The following PDGFRL variants were observed in gnomAD, a reference collection of about 807,000 sequenced individuals.
The protein encoded by PDGFRL is platelet derived growth factor receptor like.
In PDGFRL, 46 loss-of-function variants were observed where a neutral mutation model predicts 37.2. The ratio of observed to expected loss-of-function variants is 1.24; its 90% CI spans 0.98 to 1.58. PDGFRL has a LOEUF of 1.58. Among genes scored for constraint, PDGFRL ranks in the 40% most tolerant of loss-of-function variants. PDGFRL has a pLI of 0.00. For synonymous variants in PDGFRL, 251 were observed against 184.3 expected, an observed-to-expected ratio of 1.36 and a Z score of -2.93; for missense variants, 692 against 467.6, an observed-to-expected ratio of 1.48 and a Z score of -4.43.
At position 17,642,668 on chromosome 8, in the gene PDGFRL, G is replaced by A. The variant is rs570888012; in HGVS notation, c.995G>A (p.Gly332Glu). ...TGGAGGTTGATCCACAGAGGACTGGGACACACCACGAGAATCTCCCAGAGT... is the reference window on the plus strand; with the variant it reads ...TGGAGGTTGATCCACAGAGGACTGGAACACACCACGAGAATCTCCCAGAGT... ...DTWRLIHRGL[G>E]HTTRISQSVI... The change falls in exon 6 of 6, where the codon GGA becomes GAA. Residue 332 changes from glycine to glutamate, a missense_variant. By Grantham distance (98) the Gly-to-Glu change is moderately conservative. Coordinates refer to ENST00000251630, the MANE Select transcript of PDGFRL (RefSeq NM_001372073.1). 3 of 1,607,726 alleles carry A rather than the reference G, an allele frequency of 1.9e-6. No homozygotes were observed. The highest frequency in any genetic ancestry group is 3.3e-5 in the Admixed American group (2 of 60,018).
chr8:17,618,629 G>C (rs1233943194), intron 2 of PDGFRL, among the ~76,000 whole-genome samples: 1 of 152,204 alleles, frequency 6.6e-6, no homozygotes, highest in African/African-American at 2.4e-5. Context: ...TCTGCTGTCT[G>C]AGACTCAGTT....
At chr8:17,592,578 C>T (rs1803962417) in intron 2 of PDGFRL, among the ~76,000 whole-genome samples, 1 of 152,190 alleles carries the variant, frequency 6.6e-6, no homozygotes, top group African/African-American at 2.4e-5. Flanking sequence ...GCTTTCGCTG[C>T]CCTGGGCTCC....
chr8:17,576,578 C>A, upstream of PDGFRL: 1 of 234,884 alleles, frequency 4.3e-6, no homozygotes. Flanking sequence ...CGTGCTTACC[C>A]TAATTCCCTG....
chr8:17,608,102 C>T (rs373781192), intron 2 of PDGFRL, among the ~76,000 whole-genome samples: 44 of 152,320 alleles, frequency 2.9e-4, no homozygotes, highest in African/African-American at 1.0e-3. Context: ...CCTCAGGGGC[C>T]TGTCTCCTGC....
intron 2 of PDGFRL, 86 bp from the exon 3 acceptor site, chr8:17,620,965 C>T: frequency 1.1e-6 from 1 of 939,574 alleles, no homozygotes; most frequent in South Asian, 2.2e-5. Flanking sequence ...GCAAGTCTGC[C>T]CAGAGAACAG....
intron 1 of PDGFRL, among the ~76,000 whole-genome samples, chr8:17,584,531 G>A (rs1585297484): frequency 6.6e-6 from 1 of 152,016 alleles, no homozygotes; most frequent in East Asian, 1.9e-4. Flanking sequence ...ATGAGGAAGA[G>A]CTGCCACAGA....
At chr8:17,633,957 G>T in intron 4 of PDGFRL, 117 bp from the exon 5 acceptor site, 1 of 1,012,782 alleles carries the variant, frequency 9.9e-7, no homozygotes, top group Non-Finnish European at 1.6e-6. Context: ...CACTGGTCAG[G>T]GAGCTGTGAG....
intron 4 of PDGFRL, among the ~76,000 whole-genome samples, chr8:17,630,767 G>A (rs976746493): frequency 3.3e-5 from 5 of 152,142 alleles, no homozygotes; most frequent in African/African-American, 1.2e-4. Flanking sequence ...TAGCCTGATG[G>A]GAACAGATAG....
chr8:17,595,005 AT>A (rs34890258), intron 2 of PDGFRL, among the ~76,000 whole-genome samples: 133,119 of 150,882 alleles, frequency 0.88, 59,854 homozygotes, highest in East Asian at 1. Context: ...TACCACGTAC[AT>A]TTTTTTTTTT....
intron 2 of PDGFRL, among the ~76,000 whole-genome samples, chr8:17,614,346 C>T (rs1274082496): frequency 6.6e-6 from 1 of 152,148 alleles, no homozygotes; most frequent in African/African-American, 2.4e-5. Context: ...TTCCCAGGAT[C>T]TGTACTCTGT....
intron 4 of PDGFRL, among the ~76,000 whole-genome samples, chr8:17,630,696 G>C (rs1442314034): frequency 6.6e-6 from 1 of 152,206 alleles, no homozygotes; most frequent in East Asian, 1.9e-4. Context: ...AGAGAGGTCA[G>C]AGGAAGTAAG....
At chr8:17,638,787 A>ATATATATATAAATATATATAT (rs58571745) in intron 5 of PDGFRL, among the ~76,000 whole-genome samples, 1 of 91,816 alleles carries the variant, frequency 1.1e-5, no homozygotes, top group Non-Finnish European at 2.2e-5. Context: ...ATATATATAT[A>ATATATATATAAATATATATAT]ATTGTGATAT....
chr8:17,628,447 C>T (rs1288365703), intron 3 of PDGFRL, 40 bp from the exon 4 acceptor site: 30 of 1,557,662 alleles, frequency 1.9e-5, no homozygotes, highest in Non-Finnish European at 2.6e-5. Flanking sequence ...TACTTTGCGT[C>T]TCCGGAGTGA....
intron 2 of PDGFRL, among the ~76,000 whole-genome samples, chr8:17,609,634 TAAAA>T (rs3040922): frequency 0.036 from 1,554 of 43,354 alleles, 35 homozygotes; most frequent in African/African-American, 0.13. Context: ...TGAGACTCTG[TAAAA>T]AAAAAAAAAA....
chr8:17,586,248 C>T (rs1481911963), intron 1 of PDGFRL, among the ~76,000 whole-genome samples: 1 of 152,158 alleles, frequency 6.6e-6, no homozygotes, highest in African/African-American at 2.4e-5. Context: ...GCCGCTGCAC[C>T]CAGCTGGAGA....
intron 2 of PDGFRL, among the ~76,000 whole-genome samples, chr8:17,592,689 A>C (rs1299590942): frequency 2.6e-5 from 4 of 152,142 alleles, no homozygotes; most frequent in Non-Finnish European, 5.9e-5. Flanking sequence ...AACCTCAGGC[A>C]TCACTGTCTC....
chr8:17,577,441 G>A, intron 1 of PDGFRL, 134 bp downstream of exon 1: 2 of 746,446 alleles, frequency 2.7e-6, no homozygotes, highest in South Asian at 1.5e-5. Flanking sequence ...GCCACTGCCT[G>A]CCCGGTGCAC....
intron 2 of PDGFRL, among the ~76,000 whole-genome samples, chr8:17,610,675 C>T (rs1804392259): frequency 6.6e-6 from 1 of 152,136 alleles, no homozygotes; most frequent in South Asian, 2.1e-4. Context: ...CTTTGGGAGG[C>T]CAAGGTGGCA....
At chr8:17,585,091 A>G (rs553421437) in intron 1 of PDGFRL, among the ~76,000 whole-genome samples, 2 of 152,132 alleles carry the variant, frequency 1.3e-5, no homozygotes, top group Non-Finnish European at 2.9e-5. Context: ...GTAAACACTC[A>G]TGGCGCTTGT....
Sources: allele counts gnomAD v4.1 joint callset (sites outside exome capture counted in the v4.1 genomes callset), GRCh38; gene constraint gnomAD v4.1.1; transcripts MANE v1.5; gene names NCBI Gene and HGNC (gene_info 2026-07-23, HGNC 2026-07-21).